The following CFLAR variants were observed in gnomAD, a reference collection of about 807,000 sequenced individuals.
The protein encoded by CFLAR is CASP8 and FADD-like apoptosis regulator.
CFLAR carries 14 observed loss-of-function variants against 51.1 expected under a neutral mutation model. The observed-to-expected ratio is 0.27, with a 90% CI of 0.18 to 0.43. The LOEUF (loss-of-function observed/expected upper bound fraction) is 0.43, where lower values mean the gene tolerates loss of function less well. CFLAR is among the 20% of genes least tolerant of loss of function. The pLI, the probability that CFLAR is intolerant of heterozygous loss-of-function variation, is 1.00. For synonymous variants in CFLAR, 210 were observed against 211.6 expected (o/e 0.99, Z 0.06); for missense variants, 390 against 566.5 (o/e 0.69, Z 3.16).
intron 8 of CFLAR, among the ~76,000 whole-genome samples, chr2:201,159,235 TTAA>T (rs1305469687): frequency 1.3e-5 from 2 of 152,080 alleles, no homozygotes; most frequent in Non-Finnish European, 2.9e-5. Context: ...TATTTCCTTG[TTAA>T]TGATGCTTAT....
chr2:201,160,718 T>C lies in CFLAR; in HGVS notation c.1080T>C (p.Tyr360=), dbSNP rs11892476. The change falls in exon 9 of 10, where the codon TAT becomes TAC. Residue 360 remains tyrosine (Y), a synonymous_variant. Transcript: ENST00000309955. ...CAAAGATGTTTTTTATTCAGAACTA[T>C]GTGGTGTCAGAGGGCCAGCTGGAGG... The part of the protein sequence containing the change: ...GKPKMFFIQN[Y]VVSEGQLEDS... The C allele has an allele frequency of 3.8e-4, 620 of 1,614,026 alleles. 3 individuals are homozygous for C. The African/African-American group carries it at 7.3e-3, about 19-fold the overall frequency.
At chr2:201,140,167 G>A (rs1559207343) in intron 4 of CFLAR, 190 bp from the exon 5 acceptor site, 7 of 483,830 alleles carry the variant, frequency 1.4e-5, no homozygotes, top group Non-Finnish European at 2.3e-5. Flanking sequence ...GGGCGGGCCA[G>A]GGCGCCCTAT....
intron 4 of CFLAR, 176 bp downstream of exon 4, chr2:201,136,283 T>A (rs1314676134): frequency 1.9e-6 from 3 of 1,599,892 alleles, no homozygotes; most frequent in Non-Finnish European, 2.5e-6. Context: ...ATATCCCAGA[T>A]CTGCCAACTC....
Position 201,164,437 on chromosome 2 carries a change from G to T in CFLAR, c.*464G>T, listed in dbSNP as rs2881929. 54,319 of 152,066 alleles carry T rather than the reference G, an allele frequency of 0.36. 10,888 individuals carry two copies. Among genetic ancestry groups the T allele is most frequent in the Non-Finnish European group, 0.46 (31,129 of 68,006 alleles). The allele number at this position is 152,066 out of a possible 1,614,324, so 9.4% of individuals were successfully genotyped here. ...GGTTAGGTCCCACAATAGGTCATCT[G>T]CAAGCAAGGAAGCCAATTCAAGTCC... On this transcript the variant is annotated 3_prime_UTR_variant, in exon 10 of 10. Coordinates refer to ENST00000309955, the MANE Select transcript of CFLAR (RefSeq NM_003879.7).
intron 4 of CFLAR, chr2:201,136,670 G>A (rs1362916015): frequency 1.9e-6 from 2 of 1,044,534 alleles, no homozygotes; most frequent in Non-Finnish European, 2.7e-6. Context: ...CAAGTTCACT[G>A]CCACCATAGC....
At chr2:201,157,046 T>A (rs796940704) in intron 8 of CFLAR, among the ~76,000 whole-genome samples, 11 of 152,228 alleles carry the variant, frequency 7.2e-5, no homozygotes, top group African/African-American at 2.7e-4. Flanking sequence ...AGGTTGGTGA[T>A]TTGTACTTTG....
chr2:201,160,892 C>T lies in CFLAR; in HGVS notation c.1254C>T (p.Ser418=), dbSNP rs767738662. The T allele has an allele frequency of 3.7e-6, 6 of 1,612,666 alleles. No homozygotes were observed. The East Asian group carries it at 1.3e-4, about 36-fold the overall frequency. The part of the protein sequence containing the change: ...ADMSLLEQSH[S]SPSLYLQCLS... ...TGTCCCTGCTGGAGCAGTCTCACAG[C>T]TCACCATCCCTGTACCTGCAGTGCC... Residue 418 remains serine (S), a synonymous_variant, in exon 9 of 10, where the codon AGC becomes AGT. Transcript: ENST00000309955.
intron 1 of CFLAR, chr2:201,122,594 A>C (rs1200729942): frequency 6.6e-6 from 1 of 152,198 alleles, no homozygotes; most frequent in African/African-American, 2.4e-5. Flanking sequence ...ACCTCCACAT[A>C]TGACAGTACT....
At position 201,161,738 on chromosome 2, in the gene CFLAR, C is replaced by CT. The variant is rs3044256; in HGVS notation, c.1304+821dup. ...CCACAAATTTTTATTTTTAATTTTTCTTTTTTTTTTTTTTTTTTTTTTTTT... is the reference window on the plus strand; with the variant it reads ...CCACAAATTTTTATTTTTAATTTTTCTTTTTTTTTTTTTTTTTTTTTTTTTT... On this transcript the variant is annotated intron_variant, in intron 9 of 9. Coordinates refer to ENST00000309955, the MANE Select transcript of CFLAR (RefSeq NM_003879.7). Among the ~76,000 whole-genome samples, 47 of 101,250 alleles carry CT rather than the reference C, an allele frequency of 4.6e-4. 1 individual carries two copies. The highest frequency in any genetic ancestry group is 1.6e-3 in the African/African-American group (44 of 27,234). The allele number at this position is 101,250 out of a possible 152,430, so 66.4% of individuals were successfully genotyped here.
At chr2:201,129,307 G>C (rs1009468186) in intron 1 of CFLAR, 2 of 155,320 alleles carry the variant, frequency 1.3e-5, no homozygotes, top group Non-Finnish European at 2.8e-5. Context: ...GTTTAACTCT[G>C]TGACATAAGT....
Position 201,145,443 on chromosome 2 carries a change from CT to C in CFLAR, c.661+18del. 39 of 1,556,062 alleles carry C rather than the reference CT, an allele frequency of 2.5e-5. No homozygotes were observed. The highest frequency in any genetic ancestry group is 3.0e-5 in the Non-Finnish European group (34 of 1,130,318). On this transcript the variant is annotated intron_variant, in intron 6 of 9. Coordinates refer to ENST00000309955, the MANE Select transcript of CFLAR (RefSeq NM_003879.7). The stretch of plus-strand genomic sequence containing the variant: ...AGCTTGGCGCTCAACGTAAGACCAC[CT>C]TTTTTTAATATTCATTATTTATAAA...
intron 8 of CFLAR, among the ~76,000 whole-genome samples, chr2:201,157,238 T>C (rs2125908980): frequency 6.6e-6 from 1 of 152,280 alleles, no homozygotes; most frequent in Non-Finnish European, 1.5e-5. Context: ...CTTCCTGGGC[T>C]CGAGTGATCC....
intron 1 of CFLAR, among the ~76,000 whole-genome samples, chr2:201,121,351 G>A (rs541652032): frequency 1.3e-5 from 2 of 152,238 alleles, no homozygotes; most frequent in Admixed American, 1.3e-4. Context: ...TTCTGTAAAC[G>A]TGCTGGCTAT....
At chr2:201,150,919 G>T (rs757160525) in intron 8 of CFLAR, among the ~76,000 whole-genome samples, 2 of 152,176 alleles carry the variant, frequency 1.3e-5, no homozygotes, top group African/African-American at 2.4e-5. Flanking sequence ...GTGAGCCTTA[G>T]TCTTGCCTTT....
chr2:201,156,921 T>C (rs1232938530), intron 8 of CFLAR, among the ~76,000 whole-genome samples: 2 of 152,186 alleles, frequency 1.3e-5, no homozygotes, highest in African/African-American at 4.8e-5. Context: ...ACAGTTACTG[T>C]CCTACCTACA....
In CFLAR at chr2:201,172,768, T is replaced by C. The variant is rs776421405; in HGVS notation, c.*8795T>C. On this transcript the variant is annotated 3_prime_UTR_variant, in exon 10 of 10. Coordinates refer to ENST00000309955, the MANE Select transcript of CFLAR (RefSeq NM_003879.7). ...TATGGCTGAATAATACCCTATTGTG[T>C]GGATATACCGCATTTAGTTTATTCA... 2 of 152,250 alleles carry C rather than the reference T, an allele frequency of 1.3e-5. No homozygotes were observed. The highest frequency in any genetic ancestry group is 2.9e-5 in the Non-Finnish European group (2 of 68,040). The allele number at this position is 152,250 out of a possible 1,614,324, so 9.4% of individuals were successfully genotyped here.
chr2:201,134,626 C>T (rs938920097), intron 3 of CFLAR, among the ~76,000 whole-genome samples: 1 of 133,252 alleles, frequency 7.5e-6, no homozygotes, highest in Non-Finnish European at 1.6e-5. Context: ...TAGAGCCAGA[C>T]TCCATCTCAA....
Position 201,158,849 on chromosome 2 carries a change from CATCATTATT to C in CFLAR, c.794-1580_794-1572del, listed in dbSNP as rs1160905278. Reference sequence around the variant, plus strand: ...GAGATCCTGTAACGGCATTTGCCCTCATCATTATTATTATTATTATTATTATTATTATTA... The same window carrying C: ...GAGATCCTGTAACGGCATTTGCCCTCATTATTATTATTATTATTATTATTA... On this transcript the variant is annotated intron_variant, in intron 8 of 9. Transcript: ENST00000309955. Among the ~76,000 whole-genome samples the C allele has an allele frequency of 8.5e-3, 1,216 of 143,746 alleles. 22 individuals are homozygous for C. The highest frequency in any genetic ancestry group is 0.029 in the African/African-American group (1,126 of 39,236). The allele number at this position is 143,746 out of a possible 152,430, so 94.3% of individuals were successfully genotyped here.
At chr2:201,153,456 G>A (rs997133824) in intron 8 of CFLAR, 5 of 152,246 alleles carry the variant, frequency 3.3e-5, no homozygotes, top group African/African-American at 1.2e-4. Flanking sequence ...TCTAGGCCCA[G>A]AATCCTGCCT....
Sources: allele counts gnomAD v4.1 joint callset (sites outside exome capture counted in the v4.1 genomes callset), GRCh38; gene constraint gnomAD v4.1.1; transcripts MANE v1.5; gene names NCBI Gene and HGNC (gene_info 2026-07-23, HGNC 2026-07-21).